Variants in MYO1D observed in about 807,000 individuals in gnomAD.
MYO1D encodes the protein unconventional myosin-Id.
A neutral mutation model predicts 122.0 loss-of-function variants in MYO1D; 83 were observed. The observed-to-expected ratio is 0.68, with a 90% confidence interval of 0.57 to 0.82. The LOEUF is 0.82. MYO1D is among the 40% of genes least tolerant of loss of function. MYO1D has a pLI of 0.00. For synonymous variants in MYO1D, 464 were observed against 446.9 expected (o/e 1.04, Z -0.48); for missense variants, 1,157 against 1,269.5 (o/e 0.91, Z 1.35).
chr17:32,763,853 G>A (rs1479735239), intron 8 of MYO1D, among the ~76,000 whole-genome samples: 1 of 152,188 alleles, frequency 6.6e-6, no homozygotes, highest in African/African-American at 2.4e-5. Context: ...CCGGGAGGTG[G>A]AGGTTGCAGT....
At chr17:32,683,150 CTAA>C (rs1228107784) in intron 16 of MYO1D, among the ~76,000 whole-genome samples, 1 of 140,544 alleles carries the variant, frequency 7.1e-6, no homozygotes, top group African/African-American at 2.8e-5. Flanking sequence ...ATACATTCTT[CTAA>C]ATTTTTTTCA....
chr17:32,552,415 TCCAC>T lies in MYO1D; in HGVS notation c.2864+52668_2864+52671del, dbSNP rs1311684673. On this transcript the variant is annotated intron_variant, in intron 21 of 21. Transcript: ENST00000318217. ...TTAACCTTTGTAATCCATCCATCCA[TCCAC>T]CCATCCATCCATCCATCCATCCATC... 4.7e-3 allele frequency among the ~76,000 whole-genome samples: 633 copies of T among 134,928 alleles called. 6 individuals are homozygous for T. The highest frequency in any genetic ancestry group is 0.015 in the African/African-American group (596 of 38,538). 88.5% of individuals were successfully genotyped at this position (134,928 alleles called of 152,430 possible). A position where few individuals can be genotyped will look rare whatever the true frequency, so the allele number is the denominator to read the frequency against.
intron 1 of MYO1D, among the ~76,000 whole-genome samples, chr17:32,873,376 T>C (rs770508121): frequency 1.1e-4 from 16 of 151,702 alleles, no homozygotes; most frequent in Non-Finnish European, 2.2e-4. Context: ...GACTGGGGAG[T>C]AAGAGCAGGA....
intron 21 of MYO1D, among the ~76,000 whole-genome samples, chr17:32,597,504 T>C (rs1325549832): frequency 6.6e-6 from 1 of 151,980 alleles, no homozygotes; most frequent in African/African-American, 2.4e-5. Context: ...AAAAAAGTCA[T>C]AGGAGATATC....
At chr17:32,726,643 C>A (rs1052058480) in intron 14 of MYO1D, among the ~76,000 whole-genome samples, 43 of 148,686 alleles carry the variant, frequency 2.9e-4, no homozygotes, top group African/African-American at 1.1e-3. Context: ...TAATATAGAT[C>A]ATATAGGTAT....
At chr17:32,774,758 A>G (rs2090156719) in intron 4 of MYO1D, among the ~76,000 whole-genome samples, 2 of 152,210 alleles carry the variant, frequency 1.3e-5, no homozygotes, top group South Asian at 4.1e-4. Context: ...ACTGACTCTG[A>G]TAATACATTT....
At chr17:32,525,642 T>C (rs962084034) in intron 21 of MYO1D, among the ~76,000 whole-genome samples, 2 of 152,256 alleles carry the variant, frequency 1.3e-5, no homozygotes, top group Middle Eastern at 3.4e-3. Flanking sequence ...TTATTTCAAC[T>C]TTCAGGACCC....
chr17:32,831,113 A>C (rs1177320912), intron 1 of MYO1D, among the ~76,000 whole-genome samples: 1 of 152,190 alleles, frequency 6.6e-6, no homozygotes, highest in Non-Finnish European at 1.5e-5. Context: ...AGTTTTCATA[A>C]ATATATTACT....
At chr17:32,570,414 G>C (rs1421430427) in intron 21 of MYO1D, among the ~76,000 whole-genome samples, 2 of 151,920 alleles carry the variant, frequency 1.3e-5, no homozygotes, top group Non-Finnish European at 2.9e-5. Flanking sequence ...GCCCAGGCTG[G>C]AGTGCAGTGG....
chr17:32,674,697 C>T (rs2088779336), intron 16 of MYO1D, among the ~76,000 whole-genome samples: 1 of 152,134 alleles, frequency 6.6e-6, no homozygotes, highest in Non-Finnish European at 1.5e-5. Flanking sequence ...AGTCATTTTT[C>T]AGCCCTATGA....
intron 10 of MYO1D, among the ~76,000 whole-genome samples, chr17:32,758,155 A>C (rs1390416321): frequency 6.6e-6 from 1 of 152,146 alleles, no homozygotes; most frequent in Non-Finnish European, 1.5e-5. Flanking sequence ...AACATATTAA[A>C]TGGCACCTGA....
At chr17:32,533,886 A>G (rs1262340565) in intron 21 of MYO1D, among the ~76,000 whole-genome samples, 1 of 152,254 alleles carries the variant, frequency 6.6e-6, no homozygotes, top group African/African-American at 2.4e-5. Context: ...ATTAAAATTA[A>G]AAATGGGAAA....
At chr17:32,663,260 C>A (rs182885660) in intron 16 of MYO1D, among the ~76,000 whole-genome samples, 71 of 152,204 alleles carry the variant, frequency 4.7e-4, no homozygotes, top group African/African-American at 1.7e-3. Context: ...TTTTTGCCTC[C>A]GTCACTTGTC....
rs2088667510 is a variant in MYO1D at position 32,668,606 on chromosome 17, T to G, written c.2122-9268A>C. Among the ~76,000 whole-genome samples the G allele has an allele frequency of 2.0e-5, 3 of 152,210 alleles. No individual in the cohort carries two copies. In the South Asian group the frequency reaches 6.2e-4, roughly 32 times the overall value. ...TTGGAATGCTCCCCGAAAAAAGGGT[T>G]CCAATTTCAATAAGTTTGGAAAAGC... On this transcript the variant is annotated intron_variant, in intron 16 of 21. Transcript: ENST00000318217.
intron 1 of MYO1D, among the ~76,000 whole-genome samples, chr17:32,799,105 C>CAA (rs746164638): frequency 4.6e-5 from 7 of 152,048 alleles, no homozygotes; most frequent in Non-Finnish European, 8.8e-5. Flanking sequence ...TGAAAATAAC[C>CAA]AAGTATTTTC....
intron 1 of MYO1D, among the ~76,000 whole-genome samples, chr17:32,867,323 CAAA>C (rs754118023): frequency 6.7e-5 from 5 of 74,312 alleles, no homozygotes; most frequent in Admixed American, 1.6e-4. Context: ...GAGACTGTCT[CAAA>C]AAAAAAAAAA....
At chr17:32,814,699 G>A (rs570804988) in intron 1 of MYO1D, among the ~76,000 whole-genome samples, 17 of 152,314 alleles carry the variant, frequency 1.1e-4, no homozygotes, top group Non-Finnish European at 2.2e-4. Flanking sequence ...CACTGGAATT[G>A]CTGTATCATC....
At chr17:32,616,744 C>T (rs2087774397) in intron 20 of MYO1D, among the ~76,000 whole-genome samples, 1 of 152,152 alleles carries the variant, frequency 6.6e-6, no homozygotes, top group Admixed American at 6.5e-5. Flanking sequence ...GGTCTATATC[C>T]TCACCCCTTC....
At chr17:32,715,133 A>G (rs1474020192) in intron 15 of MYO1D, among the ~76,000 whole-genome samples, 1 of 152,234 alleles carries the variant, frequency 6.6e-6, no homozygotes, top group Non-Finnish European at 1.5e-5. Context: ...CGTCAGTCAG[A>G]ATGGCAATTA....
Sources: allele counts gnomAD v4.1 joint callset (sites outside exome capture counted in the v4.1 genomes callset), GRCh38; gene constraint gnomAD v4.1.1; transcripts MANE v1.5; gene names NCBI Gene and HGNC (gene_info 2026-07-23, HGNC 2026-07-21).